Variants in AKAP19 observed in about 807,000 individuals in gnomAD.
AKAP19 encodes A-kinase anchoring protein 19.
the AKAP19 span, among the ~76,000 whole-genome samples, chr2:190,067,560 C>T: frequency 6.6e-6 from 1 of 152,170 alleles, no homozygotes; most frequent in Non-Finnish European, 1.5e-5. Flanking sequence ...TAATCACCAA[C>T]TACAAACTTG....
chr2:190,034,883 A>G, the AKAP19 span, among the ~76,000 whole-genome samples: 1 of 150,022 alleles, frequency 6.7e-6, no homozygotes, highest in South Asian at 2.1e-4. Context: ...AAAAAAAAGG[A>G]AAAAAATGCT....
chr2:190,176,875 G>A, the AKAP19 span, among the ~76,000 whole-genome samples: 5,124 of 152,254 alleles, frequency 0.034, 144 homozygotes, highest in African/African-American at 0.071. The surrounding 1 kb of genome is among the most constrained non-coding windows in gnomAD (Gnocchi z 4.7). Context: ...TAGCAAATAC[G>A]AGGTAAGTTC....
the AKAP19 span, chr2:190,057,417 A>G: frequency 3.7e-6 from 6 of 1,613,600 alleles, no homozygotes; most frequent in Admixed American, 8.3e-5. Context: ...CCAGATGAGT[A>G]TGAGGATATT....
At chr2:190,200,367 C>G in the AKAP19 span, 1 of 515,784 alleles carries the variant, frequency 1.9e-6, no homozygotes, top group African/African-American at 1.9e-5. Flanking sequence ...ATCTGAAGGG[C>G]TGAACAGAGG....
chr2:189,902,965 T>C, the AKAP19 span, among the ~76,000 whole-genome samples: 40 of 151,852 alleles, frequency 2.6e-4, no homozygotes, highest in East Asian at 5.6e-3. Flanking sequence ...AAAAAAAAAC[T>C]GACTAGCCAG....
chr2:190,129,174 C>T, the AKAP19 span, among the ~76,000 whole-genome samples: 5 of 152,194 alleles, frequency 3.3e-5, no homozygotes, highest in African/African-American at 1.2e-4. Context: ...GTAGAGTACT[C>T]CATTTACTGA....
the AKAP19 span, chr2:190,060,088 A>G: frequency 8.1e-6 from 13 of 1,612,436 alleles, 1 homozygote; most frequent in Non-Finnish European, 1.0e-5. Context: ...GGTCCTGGGA[A>G]GGTTACAGCA....
the AKAP19 span, among the ~76,000 whole-genome samples, chr2:190,042,946 T>C: frequency 2.0e-5 from 3 of 152,234 alleles, no homozygotes; most frequent in Admixed American, 2.0e-4. Context: ...TCTCCTTCAC[T>C]TAAGAAGTTT....
chr2:190,152,374 T>A, the AKAP19 span, among the ~76,000 whole-genome samples: 1 of 152,164 alleles, frequency 6.6e-6, no homozygotes, highest in African/African-American at 2.4e-5. Context: ...TCCCCAACAC[T>A]ATTTATTTAT....
At chr2:189,969,428 C>A in the AKAP19 span, among the ~76,000 whole-genome samples, 1 of 152,090 alleles carries the variant, frequency 6.6e-6, no homozygotes, top group Non-Finnish European at 1.5e-5. Flanking sequence ...ATTTTGGTAT[C>A]ACAGCTTGAA....
the AKAP19 span, among the ~76,000 whole-genome samples, chr2:189,915,083 G>A: frequency 6.6e-6 from 1 of 152,072 alleles, no homozygotes; most frequent in Non-Finnish European, 1.5e-5. Flanking sequence ...AAAAGAAAAC[G>A]TAATTAAAAC....
At chr2:190,106,803 C>G in the AKAP19 span, among the ~76,000 whole-genome samples, 1 of 152,162 alleles carries the variant, frequency 6.6e-6, no homozygotes, top group African/African-American at 2.4e-5. Context: ...ACTACTACTT[C>G]ACTATAATGT....
the AKAP19 span, among the ~76,000 whole-genome samples, chr2:189,977,410 A>G: frequency 6.6e-6 from 1 of 152,332 alleles, no homozygotes; most frequent in Admixed American, 6.5e-5. Flanking sequence ...TTTGATAACC[A>G]TCACTTTCAT....
the AKAP19 span, among the ~76,000 whole-genome samples, chr2:189,953,853 G>A: frequency 6.6e-6 from 1 of 152,126 alleles, no homozygotes; most frequent in Non-Finnish European, 1.5e-5. Context: ...TGGCATTGGA[G>A]TCCACCTCTT....
the AKAP19 span, among the ~76,000 whole-genome samples, chr2:189,922,214 A>G: frequency 3.3e-5 from 5 of 152,324 alleles, no homozygotes; most frequent in East Asian, 5.8e-4. Context: ...GCAAGAAAGG[A>G]GACTGAAAAG....
the AKAP19 span, among the ~76,000 whole-genome samples, chr2:190,083,849 G>T: frequency 6.6e-6 from 1 of 152,130 alleles, no homozygotes; most frequent in African/African-American, 2.4e-5. Context: ...ATTCCTCAGA[G>T]AAGGTTTCTT....
the AKAP19 span, chr2:189,879,857 A>G: frequency 6.6e-6 from 1 of 152,240 alleles, no homozygotes; most frequent in African/African-American, 2.4e-5. Flanking sequence ...CTTTACACCC[A>G]AGTATGTTGC....
At chr2:189,976,703 C>G in the AKAP19 span, among the ~76,000 whole-genome samples, 2 of 152,232 alleles carry the variant, frequency 1.3e-5, no homozygotes, top group African/African-American at 4.8e-5. Flanking sequence ...AGCCTCGCTG[C>G]TGCCTTGCAG....
the AKAP19 span, among the ~76,000 whole-genome samples, chr2:190,011,787 T>G: frequency 6.6e-6 from 1 of 152,216 alleles, no homozygotes. Flanking sequence ...TCCATTGGTC[T>G]GTGTATCCAT....
Sources: gnomAD v4.1 joint callset for allele counts (sites outside exome capture counted in the v4.1 genomes callset) on GRCh38, gnomAD v4.1.1 for gene constraint, Gnocchi (gnomAD v3.1) non-coding constraint, MANE v1.5 for transcripts, NCBI Gene and HGNC (gene_info 2026-07-23, HGNC 2026-07-21) for gene names.